The following CMSS1 variants were observed in gnomAD, a reference collection of about 807,000 sequenced individuals.
CMSS1 encodes the protein cms1 ribosomal small subunit homolog, also known as protein CMSS1.
Under a neutral mutation model 43.5 loss-of-function variants are expected in CMSS1, and 33 were observed. The observed-to-expected ratio is 0.76, with a 90% confidence interval of 0.57 to 1.01. The LOEUF is 1.01. Among genes scored for constraint, CMSS1 ranks in the 50% least tolerant of loss-of-function variants. The probability of loss-of-function intolerance (pLI) is 0.00; values close to 1 mark genes in which losing one functional copy is unlikely to be tolerated. For synonymous variants in CMSS1, 115 were observed against 117.2 expected (o/e 0.98, Z 0.12); for missense variants, 313 against 326.4 (o/e 0.96, Z 0.32).
At chr3:99,989,785 A>G (rs1709459897) in intron 1 of CMSS1, among the ~76,000 whole-genome samples, 2 of 151,878 alleles carry the variant, frequency 1.3e-5, no homozygotes, top group African/African-American at 4.8e-5. Context: ...TAAAAGTTAG[A>G]TATTGATTTG....
intron 1 of CMSS1, among the ~76,000 whole-genome samples, chr3:100,057,696 C>T (rs1446899825): frequency 6.6e-6 from 1 of 152,160 alleles, no homozygotes; most frequent in African/African-American, 2.4e-5. Flanking sequence ...AAGCCCCCTG[C>T]TTGCCCGGGT....
At chr3:100,017,187 A>G (rs576110796) in intron 1 of CMSS1, among the ~76,000 whole-genome samples, 1 of 152,352 alleles carries the variant, frequency 6.6e-6, no homozygotes, top group Non-Finnish European at 1.5e-5. Flanking sequence ...ATATGTCTGT[A>G]TCTGATTATC....
At chr3:100,106,103 A>G (rs537072809) in intron 1 of CMSS1, among the ~76,000 whole-genome samples, 13 of 152,258 alleles carry the variant, frequency 8.5e-5, no homozygotes, top group African/African-American at 2.6e-4. Flanking sequence ...AGAAAATATG[A>G]TATTACTGTC....
chr3:100,167,873 G>A (rs1222497534), intron 6 of CMSS1, 33 bp downstream of exon 6: 3 of 1,445,950 alleles, frequency 2.1e-6, no homozygotes, highest in Non-Finnish European at 2.9e-6. Flanking sequence ...TATCATAAAT[G>A]TTTTCTGAAT....
At chr3:99,974,534 A>AC (rs561156805) in intron 1 of CMSS1, among the ~76,000 whole-genome samples, 1,544 of 152,046 alleles carry the variant, frequency 0.01, 16 homozygotes, top group Non-Finnish European at 0.017. Context: ...ACATGGAGAA[A>AC]CCCCGTCTCT....
At chr3:100,125,048 C>T (rs761130385) in intron 1 of CMSS1, among the ~76,000 whole-genome samples, 2 of 152,154 alleles carry the variant, frequency 1.3e-5, no homozygotes, top group African/African-American at 4.8e-5. Flanking sequence ...CCAATATCTC[C>T]ATTCGGCAAT....
At chr3:99,956,698 C>G (rs756466508) in intron 1 of CMSS1, among the ~76,000 whole-genome samples, 10 of 152,306 alleles carry the variant, frequency 6.6e-5, no homozygotes, top group Admixed American at 2.0e-4. Flanking sequence ...TCTTGCCCAT[C>G]AAATACCCCC....
At chr3:100,100,495 A>G (rs2066285758) in intron 1 of CMSS1, among the ~76,000 whole-genome samples, 1 of 152,182 alleles carries the variant, frequency 6.6e-6, no homozygotes, top group Non-Finnish European at 1.5e-5. Flanking sequence ...GCAAGTCCAC[A>G]TTTGAATCAT....
intron 1 of CMSS1, among the ~76,000 whole-genome samples, chr3:100,065,602 A>G (rs2065650093): frequency 6.6e-6 from 1 of 152,198 alleles, no homozygotes. Flanking sequence ...TTCCTAATGA[A>G]AAAAGTATTC....
At chr3:100,055,671 T>A (rs995105703) in intron 1 of CMSS1, among the ~76,000 whole-genome samples, 3 of 152,232 alleles carry the variant, frequency 2.0e-5, no homozygotes, top group African/African-American at 7.2e-5. Context: ...TATATTTTAA[T>A]CTCTTCCTTT....
At chr3:99,861,900 A>G (rs984337874) in intron 1 of CMSS1, among the ~76,000 whole-genome samples, 4 of 152,080 alleles carry the variant, frequency 2.6e-5, no homozygotes, top group Admixed American at 6.6e-5. Context: ...ACCTCCCTAC[A>G]AGTCTCATTT....
intron 8 of CMSS1, among the ~76,000 whole-genome samples, chr3:100,173,965 A>G (rs945899820): frequency 6.6e-6 from 1 of 152,240 alleles, no homozygotes; most frequent in African/African-American, 2.4e-5. Context: ...TATAAAAACA[A>G]AATGCCAATA....
At chr3:99,983,613 C>T (rs147500054) in intron 1 of CMSS1, among the ~76,000 whole-genome samples, 2,456 of 144,750 alleles carry the variant, frequency 0.017, 67 homozygotes, top group African/African-American at 0.059. Flanking sequence ...TTGCTTGAAC[C>T]GGGGAGGCGG....
intron 1 of CMSS1, among the ~76,000 whole-genome samples, chr3:99,825,979 C>T (rs1456789018): frequency 6.6e-6 from 1 of 151,622 alleles, no homozygotes; most frequent in East Asian, 1.9e-4. Flanking sequence ...GGTTTCACCA[C>T]GTTAGGCAGG....
intron 1 of CMSS1, among the ~76,000 whole-genome samples, chr3:100,111,112 G>A (rs766539405): frequency 3.9e-5 from 6 of 152,090 alleles, no homozygotes; most frequent in Non-Finnish European, 7.4e-5. Flanking sequence ...GAAGAAAAAG[G>A]CAGTAGCTTA....
chr3:99,995,041 A>C (rs1178446390), intron 1 of CMSS1, among the ~76,000 whole-genome samples: 1 of 152,142 alleles, frequency 6.6e-6, no homozygotes, highest in Admixed American at 6.5e-5. Context: ...ATGCCTTCCC[A>C]ACAGCACCCA....
rs2067167642 is a variant in CMSS1, at chr3:100,178,722, C to T, written c.*334C>T. On this transcript the variant is annotated 3_prime_UTR_variant, in exon 10 of 10. Transcript: ENST00000421999. ...AGCGTAAGGTCTTGCCTCTCTGAGC[C>T]CCATCTTATCAACTCAAAGTGGGAA... The T allele has an allele frequency of 5.1e-6, 1 of 194,178 alleles. No individual in the cohort carries two copies. Among genetic ancestry groups the T allele is most frequent in the South Asian group, 1.2e-4 (1 of 8,654 alleles). The allele number at this position is 194,178 out of a possible 1,614,324, so 12.0% of individuals were successfully genotyped here.
At chr3:100,012,251 A>T (rs943358742) in intron 1 of CMSS1, among the ~76,000 whole-genome samples, 1 of 152,226 alleles carries the variant, frequency 6.6e-6, no homozygotes, top group African/African-American at 2.4e-5. Context: ...TAGAAAGAAG[A>T]TTGGTAGAAT....
At chr3:100,147,536 G>C (rs534579688) in intron 2 of CMSS1, among the ~76,000 whole-genome samples, 2 of 152,190 alleles carry the variant, frequency 1.3e-5, no homozygotes, top group East Asian at 3.9e-4. Flanking sequence ...GCCTCCCAAA[G>C]TGCTGGGATT....
Sources: gnomAD v4.1 joint callset for allele counts (sites outside exome capture counted in the v4.1 genomes callset) on GRCh38, gnomAD v4.1.1 for gene constraint, MANE v1.5 for transcripts, NCBI Gene and HGNC (gene_info 2026-07-23, HGNC 2026-07-21) for gene names.